The following PHACTR2 variants were observed in gnomAD, a reference collection of about 807,000 sequenced individuals.
The protein encoded by PHACTR2 is chromosome 6 open reading frame 56.
In PHACTR2, 30 loss-of-function variants were observed where a neutral mutation model predicts 76.0. The observed-to-expected ratio is 0.39, with a 90% confidence interval of 0.30 to 0.54. The LOEUF (loss-of-function observed/expected upper bound fraction) is 0.54. Ranked by LOEUF, PHACTR2 falls within the 20% of genes least tolerant of loss-of-function variation. The pLI is 0.61. For synonymous variants in PHACTR2, 292 were observed against 292.5 expected, an observed-to-expected ratio of 1.00 and a Z score of 0.02; for missense variants, 696 against 781.1, an observed-to-expected ratio of 0.89 and a Z score of 1.30.
At chr6:143,720,883 G>T (rs936489426) in intron 2 of PHACTR2, among the ~76,000 whole-genome samples, 1 of 152,218 alleles carries the variant, frequency 6.6e-6, no homozygotes, top group Non-Finnish European at 1.5e-5. Flanking sequence ...AAAGTATTGG[G>T]ATTACAGGCG....
chr6:143,565,127 C>T (rs1208963261), intron 1 of PHACTR2, among the ~76,000 whole-genome samples: 2 of 152,150 alleles, frequency 1.3e-5, no homozygotes, highest in Admixed American at 6.5e-5. Context: ...TTCTCTCATT[C>T]TTCTCATTTT....
intron 2 of PHACTR2, among the ~76,000 whole-genome samples, chr6:143,741,507 A>T (rs1335428758): frequency 6.6e-6 from 1 of 152,154 alleles, no homozygotes; most frequent in Non-Finnish European, 1.5e-5. Context: ...CAAAAATAAC[A>T]ATAATAATAA....
At position 143,656,552 on chromosome 6, in the gene PHACTR2, T is replaced by TATG. The variant is rs1776852423; in HGVS notation, c.13+48233_13+48235dup. On this transcript the variant is annotated intron_variant, in intron 1 of 11. Transcript: ENST00000305766. This position sits in a 1 kb window ranked among gnomAD's most constrained non-coding sequence, Gnocchi z 5.3. ...GGCTGCAGGTTGGGCAAGTTTGGTCTATGATTTTATAATCTGATCTAGTAT... is the reference window on the plus strand; with the variant it reads ...GGCTGCAGGTTGGGCAAGTTTGGTCTATGATGATTTTATAATCTGATCTAGTAT... Among the ~76,000 whole-genome samples, 1 of 152,216 alleles carries TATG rather than the reference T, an allele frequency of 6.6e-6. No homozygotes were observed. Among genetic ancestry groups the TATG allele is most frequent in the Non-Finnish European group, 1.5e-5 (1 of 68,038 alleles).
chr6:143,558,938 C>A lies in PHACTR2; in HGVS notation c.217+21731C>A, dbSNP rs571141354. ...CTTAGGCCTCTCCCATCCCCACTCC[C>A]TGGGAGAAGGGGAGATCTGTTACAA... is the stretch of plus-strand genomic sequence containing the variant. On this transcript the variant is annotated intron_variant, in intron 1 of 11. Transcript: ENST00000367584. The surrounding 1 kb of genome is among the most constrained non-coding windows in gnomAD (Gnocchi z 4.7). Among the ~76,000 whole-genome samples the A allele has an allele frequency of 1.3e-5, 2 of 152,162 alleles. No individual in the cohort carries two copies. The highest frequency in any genetic ancestry group is 4.1e-4 in the South Asian group (2 of 4,828).
At position 143,621,451 on chromosome 6, in the gene PHACTR2, G is replaced by A. The variant is rs1367122916; in HGVS notation, c.13+13129G>A. ...GGACTTGGGAAGCCAGCAGCTACAA[G>A]GAAGCTCACCTGTCAAGCACCAACG... is the stretch of plus-strand genomic sequence containing the variant. On this transcript the variant is annotated intron_variant, in intron 1 of 11. Coordinates refer to the PHACTR2 transcript ENST00000305766. The surrounding 1 kb of genome is among the most constrained non-coding windows in gnomAD (Gnocchi z 4.1). Among the ~76,000 whole-genome samples, 1 of 152,164 alleles carries A rather than the reference G, an allele frequency of 6.6e-6. No homozygotes were observed. Among genetic ancestry groups the A allele is most frequent in the Admixed American group, 6.5e-5 (1 of 15,278 alleles).
rs1459737876 is a variant in PHACTR2 at position 143,753,196 on chromosome 6, G to T, written c.296-558G>T. 6.6e-6 allele frequency among the ~76,000 whole-genome samples: 1 copy of T among 151,836 alleles called. No individual in the cohort carries two copies. Among genetic ancestry groups the T allele is most frequent in the Non-Finnish European group, 1.5e-5 (1 of 67,946 alleles). ...AAAATAAAAATAGCCTTGCTATCAT[G>T]TTTTCCCTGAACATAGAGTAGCAGT... On this transcript the variant is annotated intron_variant, in intron 3 of 12. Coordinates refer to ENST00000440869, the MANE Select transcript of PHACTR2 (RefSeq NM_001100164.2). This position sits in a 1 kb window ranked among gnomAD's most constrained non-coding sequence, Gnocchi z 4.6.
rs1293006848 is a variant in PHACTR2 at position 143,825,937 on chromosome 6, G to C, written c.*2248G>C. On this transcript the variant is annotated 3_prime_UTR_variant, in exon 13 of 13. Coordinates refer to ENST00000440869, the MANE Select transcript of PHACTR2 (RefSeq NM_001100164.2). The surrounding 1 kb of genome is among the most constrained non-coding windows in gnomAD (Gnocchi z 4.1). ...ACTTAGTACAAAAAATGAAAATCTG[G>C]TATTTCAAAATTGCATTTCTTGTAT... 4 of 151,680 alleles carry C rather than the reference G, an allele frequency of 2.6e-5. No homozygotes were observed. The highest frequency in any genetic ancestry group is 5.9e-5 in the Non-Finnish European group (4 of 67,958). The allele number at this position is 151,680 out of a possible 1,614,324, so 9.4% of individuals were successfully genotyped here. A position where few individuals can be genotyped will look rare whatever the true frequency, so the allele number is the denominator to read the frequency against.
chr6:143,783,859 T>TA lies in PHACTR2; in HGVS notation c.1707+585dup, dbSNP rs1399415339. Among the ~76,000 whole-genome samples the TA allele has an allele frequency of 1.3e-5, 2 of 152,094 alleles. No homozygotes were observed. Among genetic ancestry groups the TA allele is most frequent in the Non-Finnish European group, 2.9e-5 (2 of 68,010 alleles). Reference sequence around the variant, plus strand: ...CATTTCAATGCATGTATTTCCATTTTAAAAAATTGTTTTGAGTCAGGTGCA... The same window carrying TA: ...CATTTCAATGCATGTATTTCCATTTTAAAAAAATTGTTTTGAGTCAGGTGCA... On this transcript the variant is annotated intron_variant, in intron 10 of 12. Coordinates refer to ENST00000440869, the MANE Select transcript of PHACTR2 (RefSeq NM_001100164.2). This position sits in a 1 kb window ranked among gnomAD's most constrained non-coding sequence, Gnocchi z 5.2.
At position 143,698,437 on chromosome 6, in the gene PHACTR2, A is replaced by G. The variant is rs982681328; in HGVS notation, c.47-13579A>G. ...TAGGTGTACAAACCAAGGAATGTTA[A>G]TCTTTTGCTTTTCAGTGGCTTTTAA... On this transcript the variant is annotated intron_variant, in intron 1 of 12. Transcript: ENST00000440869. The surrounding 1 kb of genome is among the most constrained non-coding windows in gnomAD (Gnocchi z 4.3). 6.6e-6 allele frequency among the ~76,000 whole-genome samples: 1 copy of G among 152,346 alleles called. No individual in the cohort carries two copies. The highest frequency in any genetic ancestry group is 1.9e-4 in the East Asian group (1 of 5,194).
At chr6:143,805,957 C>T (rs1014806095) in intron 11 of PHACTR2, among the ~76,000 whole-genome samples, 1 of 152,130 alleles carries the variant, frequency 6.6e-6, no homozygotes, top group Admixed American at 6.5e-5. Context: ...ATTTTCCAAC[C>T]ACAAAGAAGA....
chr6:143,706,798 C>T (rs1778063768), intron 1 of PHACTR2, among the ~76,000 whole-genome samples: 1 of 152,194 alleles, frequency 6.6e-6, no homozygotes, highest in African/African-American at 2.4e-5. Flanking sequence ...AGCCACTTGG[C>T]TGCCTTAGAA....
At chr6:143,574,495 T>C (rs1046433395) in intron 1 of PHACTR2, among the ~76,000 whole-genome samples, 4 of 152,210 alleles carry the variant, frequency 2.6e-5, no homozygotes, top group Non-Finnish European at 4.4e-5. Context: ...CATTGATACC[T>C]CTCATAGTAG....
At position 143,671,090 on chromosome 6, in the gene PHACTR2, C is replaced by A. The variant is rs59720432; in HGVS notation, c.14-40926C>A. On this transcript the variant is annotated intron_variant, in intron 1 of 11. Transcript: ENST00000305766. The surrounding 1 kb of genome is among the most constrained non-coding windows in gnomAD (Gnocchi z 4.6). ...GATTACAGGAATGCGCCACCATGCC[C>A]AGCTAATTTTTGTATTTTTAGTAGA... 2.0e-3 allele frequency among the ~76,000 whole-genome samples: 309 copies of A among 152,040 alleles called. No individual in the cohort carries two copies. Among genetic ancestry groups the A allele is most frequent in the African/African-American group, 7.1e-3 (295 of 41,478 alleles).
Position 143,642,426 on chromosome 6 carries a change from G to T in PHACTR2, c.13+34104G>T, listed in dbSNP as rs565982101. Among the ~76,000 whole-genome samples, 123 of 152,274 alleles carry T rather than the reference G, an allele frequency of 8.1e-4. 1 individual carries two copies. Among genetic ancestry groups the T allele is most frequent in the African/African-American group, 2.7e-3 (112 of 41,550 alleles). ...AAACACCTCATTGTGTCAAAGATTT[G>T]CACCTTCTTATCTTCAGAGCTCTTA... On this transcript the variant is annotated intron_variant, in intron 1 of 11. Transcript: ENST00000305766.
chr6:143,657,275 C>T (rs1367753967), intron 1 of PHACTR2, among the ~76,000 whole-genome samples: 1 of 152,032 alleles, frequency 6.6e-6, no homozygotes, highest in Non-Finnish European at 1.5e-5. Flanking sequence ...AATGTACATA[C>T]AGTGAACAAT....
At position 143,811,011 on chromosome 6, in the gene PHACTR2, T is replaced by C. The variant is rs1776163977; in HGVS notation, c.1922+3878T>C. Among the ~76,000 whole-genome samples the C allele has an allele frequency of 6.6e-6, 1 of 152,250 alleles. No individual in the cohort carries two copies. The highest frequency in any genetic ancestry group is 2.1e-4 in the South Asian group (1 of 4,834). On this transcript the variant is annotated intron_variant, in intron 12 of 12. Transcript: ENST00000440869. This position sits in a 1 kb window ranked among gnomAD's most constrained non-coding sequence, Gnocchi z 4.1. ...GGTATTTTGTTTAAATTTTTGTATA[T>C]TCAAATCTATCTGTATTGTTATGTT...
chr6:143,576,299 C>T (rs1775509665), intron 1 of PHACTR2, among the ~76,000 whole-genome samples: 1 of 152,226 alleles, frequency 6.6e-6, no homozygotes, highest in Non-Finnish European at 1.5e-5. Flanking sequence ...GAAGGTCTCT[C>T]TTCTCACGCA....
chr6:143,819,578 C>T lies in PHACTR2; in HGVS notation c.1923-4096C>T, dbSNP rs191048984. Among the ~76,000 whole-genome samples the T allele has an allele frequency of 7.2e-5, 11 of 152,110 alleles. No homozygotes were observed. The highest frequency in any genetic ancestry group is 3.4e-3 in the Middle Eastern group (1 of 294). ...GTCCAAGGCTGGAGGCCTGAGAGCT[C>T]GAGGCAGTGGGGAGTACTGGTGTAA... On this transcript the variant is annotated intron_variant, in intron 12 of 12. Transcript: ENST00000440869. The surrounding 1 kb of genome is among the most constrained non-coding windows in gnomAD (Gnocchi z 5.0).
At position 143,696,621 on chromosome 6, in the gene PHACTR2, A is replaced by T. The variant is rs1777776121; in HGVS notation, c.47-15395A>T. On this transcript the variant is annotated intron_variant, in intron 1 of 12. Coordinates refer to ENST00000440869, the MANE Select transcript of PHACTR2 (RefSeq NM_001100164.2). This position sits in a 1 kb window ranked among gnomAD's most constrained non-coding sequence, Gnocchi z 4.1. ...GGGAGGAACAGATTATTACATTCAGATCTTTCTGGCACTGGAAGCCCATGT... is the reference window on the plus strand; with the variant it reads ...GGGAGGAACAGATTATTACATTCAGTTCTTTCTGGCACTGGAAGCCCATGT... Among the ~76,000 whole-genome samples the T allele has an allele frequency of 6.6e-6, 1 of 152,196 alleles. No homozygotes were observed. Among genetic ancestry groups the T allele is most frequent in the African/African-American group, 2.4e-5 (1 of 41,452 alleles).
Sources: allele counts gnomAD v4.1 joint callset (sites outside exome capture counted in the v4.1 genomes callset), GRCh38; gene constraint gnomAD v4.1.1; non-coding constraint Gnocchi (gnomAD v3.1); transcripts MANE v1.5; gene names NCBI Gene and HGNC (gene_info 2026-07-23, HGNC 2026-07-21).